GCFC2: variants seen among roughly 807,000 people sequenced by gnomAD.
GCFC2 encodes intron Large complex component GCFC2.
In GCFC2, 102 loss-of-function variants were observed where a neutral mutation model predicts 99.4. The ratio of observed to expected loss-of-function variants is 1.03; its 90% CI spans 0.87 to 1.21. The LOEUF is 1.21. Among genes scored for constraint, GCFC2 ranks in the 50% most tolerant of loss-of-function variants. The pLI is 0.00. For missense variants in GCFC2, 973 were observed against 920.9 expected (o/e 1.06, Z -0.73); for synonymous variants, 338 against 316.8 (o/e 1.07, Z -0.71).
At chr2:75,695,543 TA>T (rs1347430520) in intron 5 of GCFC2, among the ~76,000 whole-genome samples, 1 of 152,168 alleles carries the variant, frequency 6.6e-6, no homozygotes, top group African/African-American at 2.4e-5. Context: ...TTATAAAGAC[TA>T]AAAAGACATA....
intron 2 of GCFC2, among the ~76,000 whole-genome samples, 168 bp downstream of exon 2, chr2:75,706,355 C>G (rs1044712948): frequency 6.6e-6 from 1 of 152,142 alleles, no homozygotes; most frequent in African/African-American, 2.4e-5. Flanking sequence ...AGCTGTCTGA[C>G]CTGTGCATGT....
chr2:75,689,221 G>A lies in GCFC2; in HGVS notation c.1344C>T (p.Asp448=), dbSNP rs773146244. Residue 448 remains aspartate (D), a synonymous_variant, in exon 10 of 17, where the codon GAC becomes GAT. Coordinates refer to ENST00000321027, the MANE Select transcript of GCFC2 (RefSeq NM_003203.5). ...AAACTTTCTTCTGTTTCTGTAAAAT[G>A]TCACCTGTAAACAAAATAAGTCTCT... ...EMIDFQKSQG[D]ILQKQKKVFE... 4 of 1,559,042 alleles carry A rather than the reference G, an allele frequency of 2.6e-6. No individual in the cohort carries two copies. The highest frequency in any genetic ancestry group is 3.5e-6 in the Non-Finnish European group (4 of 1,134,196).
chr2:75,670,355 G>C lies in GCFC2; in HGVS notation c.1957-71C>G. The C allele has an allele frequency of 5.5e-6, 6 of 1,092,926 alleles. 1 individual carries two copies. Among genetic ancestry groups the C allele is most frequent in the Non-Finnish European group, 8.2e-6 (6 of 731,976 alleles). 67.7% of individuals were successfully genotyped at this position (1,092,926 alleles called of 1,614,324 possible). Reference sequence around the variant, plus strand: ...AACTGTAATAGTCTCTAACAAACATGAAGAGTTGGTCAAACTAAAATTCTC... The same window carrying C: ...AACTGTAATAGTCTCTAACAAACATCAAGAGTTGGTCAAACTAAAATTCTC... On this transcript the variant is annotated intron_variant, in intron 14 of 16. Coordinates refer to ENST00000321027, the MANE Select transcript of GCFC2 (RefSeq NM_003203.5).
chr2:75,680,358 GT>G (rs1263500405), intron 11 of GCFC2, 44 bp from the exon 12 acceptor site: 2 of 1,539,794 alleles, frequency 1.3e-6, no homozygotes, highest in Non-Finnish European at 1.8e-6. Flanking sequence ...TTACTAGATT[GT>G]TTTGCTTTTC....
chr2:75,701,506 A>G (rs1477743743), intron 3 of GCFC2: 6 of 498,012 alleles, frequency 1.2e-5, no homozygotes, highest in Admixed American at 3.7e-5. Context: ...ACTATGTTGA[A>G]GCTGGAAGCT....
intron 2 of GCFC2, among the ~76,000 whole-genome samples, chr2:75,705,850 C>T (rs1680837185): frequency 6.6e-6 from 1 of 152,056 alleles, no homozygotes; most frequent in South Asian, 2.1e-4. Context: ...TTTCACTTTG[C>T]GGGCCATAGG....
chr2:75,710,322 G>T, intron 1 of GCFC2: 1 of 562,980 alleles, frequency 1.8e-6, no homozygotes, highest in Non-Finnish European at 2.8e-6. Context: ...AACTGATGGA[G>T]TCAACTGATG....
At chr2:75,672,915 T>C (rs867796097) in intron 13 of GCFC2, among the ~76,000 whole-genome samples, 2 of 152,234 alleles carry the variant, frequency 1.3e-5, no homozygotes, top group African/African-American at 4.8e-5. Context: ...ACAAAATTCA[T>C]CTAAGCGCCA....
At chr2:75,688,611 G>C (rs1057420840) in intron 10 of GCFC2, among the ~76,000 whole-genome samples, 1 of 151,788 alleles carries the variant, frequency 6.6e-6, no homozygotes, top group Admixed American at 6.6e-5. Context: ...GATTCATCCT[G>C]TTTACCCCAT....
At chr2:75,664,854 G>A (rs958076467) in intron 16 of GCFC2, 71 bp from the exon 17 acceptor site, 1 of 725,630 alleles carries the variant, frequency 1.4e-6, no homozygotes, top group Non-Finnish European at 2.4e-6. Context: ...TTCAGAACCT[G>A]ATCATCAGTT....
chr2:75,666,881 T>G (rs1271951035), intron 15 of GCFC2, among the ~76,000 whole-genome samples: 1 of 151,968 alleles, frequency 6.6e-6, no homozygotes, highest in Non-Finnish European at 1.5e-5. Flanking sequence ...GAGGTCAGAG[T>G]AACTCACCAG....
At chr2:75,672,252 TAAAATATATATTTATATA>T (rs1679131224) in intron 13 of GCFC2, among the ~76,000 whole-genome samples, 2 of 129,752 alleles carry the variant, frequency 1.5e-5, no homozygotes, top group Non-Finnish European at 3.2e-5. Flanking sequence ...AATATGTTTA[TAAAATATATATTTATATA>T]TTTATAAATA....
At chr2:75,670,054 T>A in intron 15 of GCFC2, 84 bp downstream of exon 15, 1 of 886,366 alleles carries the variant, frequency 1.1e-6, no homozygotes, top group Non-Finnish European at 1.8e-6. Context: ...ACCACACATT[T>A]AATTATTTTG....
At chr2:75,699,945 C>T (rs552324138) in intron 4 of GCFC2, among the ~76,000 whole-genome samples, 41 of 150,208 alleles carry the variant, frequency 2.7e-4, no homozygotes, top group Non-Finnish European at 4.4e-4. Flanking sequence ...CTGTCACCCA[C>T]GCTGAAGCGC....
chr2:75,695,551 C>CAT, intron 5 of GCFC2, among the ~76,000 whole-genome samples: 1 of 152,198 alleles, frequency 6.6e-6, no homozygotes, highest in South Asian at 2.1e-4. Flanking sequence ...ACTAAAAAGA[C>CAT]ATATCGTAGT....
chr2:75,684,267 A>G (rs1444798160), intron 11 of GCFC2, among the ~76,000 whole-genome samples: 1 of 152,226 alleles, frequency 6.6e-6, no homozygotes, highest in African/African-American at 2.4e-5. Context: ...AATGGAAATC[A>G]TAACAAACAG....
intron 1 of GCFC2, among the ~76,000 whole-genome samples, chr2:75,707,078 C>T (rs1680905745): frequency 6.6e-6 from 1 of 152,290 alleles, no homozygotes; most frequent in African/African-American, 2.4e-5. Context: ...AATGCAATTT[C>T]TGATGAGTTC....
At chr2:75,691,513 A>G (rs923942553) in intron 7 of GCFC2, among the ~76,000 whole-genome samples, 1 of 152,136 alleles carries the variant, frequency 6.6e-6, no homozygotes, top group South Asian at 2.1e-4. Context: ...GTCTTTCACT[A>G]TCTCCTGATA....
chr2:75,695,474 A>G (rs1046429294), intron 5 of GCFC2, among the ~76,000 whole-genome samples: 3 of 152,206 alleles, frequency 2.0e-5, no homozygotes, highest in African/African-American at 7.2e-5. Context: ...AATGCTTATA[A>G]TCATATTAAA....
Sources: allele counts gnomAD v4.1 joint callset (sites outside exome capture counted in the v4.1 genomes callset), GRCh38; gene constraint gnomAD v4.1.1; transcripts MANE v1.5; gene names NCBI Gene and HGNC (gene_info 2026-07-23, HGNC 2026-07-21).